Variants in PER2 observed in about 807,000 individuals in gnomAD.
The protein encoded by PER2 is period circadian protein homolog 2.
In PER2, 66 loss-of-function variants were observed where a neutral mutation model predicts 121.0. That is an observed-to-expected ratio of 0.55 (90% confidence interval 0.45 to 0.67). PER2 has a LOEUF of 0.67. Among genes scored for constraint, PER2 ranks in the 30% least tolerant of loss-of-function variants. PER2 has a pLI of 0.00. For missense variants in PER2, 1,521 were observed against 1,635.0 expected, an observed-to-expected ratio of 0.93 and a Z score of 1.20; for synonymous variants, 684 against 659.9, an observed-to-expected ratio of 1.04 and a Z score of -0.56.
At chr2:238,286,203 A>G (rs1248699377) in intron 1 of PER2, among the ~76,000 whole-genome samples, 1 of 152,194 alleles carries the variant, frequency 6.6e-6, no homozygotes, top group African/African-American at 2.4e-5. Context: ...TCCGAATTGC[A>G]GGAAGCTCAG....
intron 20 of PER2, 135 bp downstream of exon 20, chr2:238,251,464 C>T: frequency 1.3e-6 from 1 of 786,476 alleles, no homozygotes; most frequent in Non-Finnish European, 2.2e-6. Context: ...GTGTGGGTGT[C>T]TGCATGGGCT....
In PER2 at chr2:238,268,262, CCCT is replaced by C. The variant is rs1167952213; in HGVS notation, c.825-67_825-65del. The C allele has an allele frequency of 3.3e-6, 5 of 1,532,868 alleles. No homozygotes were observed. The highest frequency in any genetic ancestry group is 4.5e-6 in the Non-Finnish European group (5 of 1,115,360). The allele number at this position is 1,532,868 out of a possible 1,614,324, so 95.0% of individuals were successfully genotyped here. On this transcript the variant is annotated intron_variant, in intron 7 of 22. Transcript: ENST00000254657. The surrounding 1 kb of genome is among the most constrained non-coding windows in gnomAD (Gnocchi z 4.0). Reference sequence around the variant, plus strand: ...CACAGGAACAGTCCCCTGTTCTGTTCCCTCCTCACCTGGGCCCCATGCCATGCT... The same window carrying C: ...CACAGGAACAGTCCCCTGTTCTGTTCCCTCACCTGGGCCCCATGCCATGCT...
intron 22 of PER2, chr2:238,247,599 G>A (rs536141916): frequency 1.3e-5 from 2 of 152,428 alleles, no homozygotes; most frequent in Non-Finnish European, 2.9e-5. Context: ...AGCAGCGGGT[G>A]GAAAACAGAC....
chr2:238,256,956 G>T lies in PER2; in HGVS notation c.2031C>A (p.Val677=). 2 of 1,614,148 alleles carry T rather than the reference G, an allele frequency of 1.2e-6. No individual in the cohort carries two copies. Among genetic ancestry groups the T allele is most frequent in the Non-Finnish European group, 1.7e-6 (2 of 1,180,032 alleles). Residue 677 remains valine, a synonymous_variant, in exon 17 of 23, where the codon GTC becomes GTA. Coordinates refer to ENST00000254657, the MANE Select transcript of PER2 (RefSeq NM_022817.3). ...TSQCSYSSTI[V]HVGDKKPQPE... is the part of the protein sequence containing the mutation. ...GCTGCGGCTTCTTGTCTCCCACATGGACGATGGTGCTGCTGTAGCTGCACT... is the reference window on the plus strand; with the variant it reads ...GCTGCGGCTTCTTGTCTCCCACATGTACGATGGTGCTGCTGTAGCTGCACT...
chr2:238,255,702 G>C lies in PER2; in HGVS notation c.2275C>G (p.His759Asp). The C allele has an allele frequency of 6.2e-7, 1 of 1,614,124 alleles. No homozygotes were observed. Residue 759 changes from histidine (H) to aspartate (D), a missense_variant, in exon 18 of 23, where the codon CAT becomes GAT. Coordinates refer to ENST00000254657, the MANE Select transcript of PER2 (RefSeq NM_022817.3). ...TTGGATCTTTCTTGCAAGTAGTAATGGCAGTGGGACTGGAAAATGCTGAGT... is the reference window on the plus strand; with the variant it reads ...TTGGATCTTTCTTGCAAGTAGTAATCGCAGTGGGACTGGAAAATGCTGAGT... ...RKLSIFQSHCHYYLQERSKGQ... is the reference protein window; with the variant it reads ...RKLSIFQSHCDYYLQERSKGQ...
Position 238,246,262 on chromosome 2 carries a change from A to G in PER2, c.*113T>C. 1 of 705,572 alleles carries G rather than the reference A, an allele frequency of 1.4e-6. No individual in the cohort carries two copies. The highest frequency in any genetic ancestry group is 2.2e-6 in the Non-Finnish European group (1 of 462,282). The allele number at this position is 705,572 out of a possible 1,614,324, so 43.7% of individuals were successfully genotyped here. A position where few individuals can be genotyped will look rare whatever the true frequency, so the allele number is the denominator to read the frequency against. On this transcript the variant is annotated 3_prime_UTR_variant, in exon 23 of 23. Transcript: ENST00000254657. Reference sequence around the variant, plus strand: ...TTGTTTTTTTTTCTAAAACAAAAAAAGCAACATGAGCATATGTGTCCATTT... The same window carrying G: ...TTGTTTTTTTTTCTAAAACAAAAAAGGCAACATGAGCATATGTGTCCATTT...
At position 238,262,262 on chromosome 2, in the gene PER2, G is replaced by T; in HGVS notation, c.1236C>A (p.Thr412=). 1 of 1,613,852 alleles carries T rather than the reference G, an allele frequency of 6.2e-7. No individual in the cohort carries two copies. The highest frequency in any genetic ancestry group is 1.3e-5 in the African/African-American group (1 of 75,000). The change falls in exon 11 of 23, where the codon ACC becomes ACA. Residue 412 remains threonine (T), a synonymous_variant. Coordinates refer to ENST00000254657, the MANE Select transcript of PER2 (RefSeq NM_022817.3). The part of the protein sequence containing the change: ...ARNGEYITLD[T]SWSSFINPWS... ...ATGGGTTGATGAAGCTGGACCAGCT[G>T]GTGTCCAACGTGATGTACTCTCCGT...
rs143020929 is a variant in PER2 at position 238,271,882 on chromosome 2, C to T, written c.571-369G>A. On this transcript the variant is annotated intron_variant, in intron 5 of 22. Coordinates refer to ENST00000254657, the MANE Select transcript of PER2 (RefSeq NM_022817.3). ...GCCCCGAGATGACCCCAATCCGGGC[C>T]GGAAAGATGCCTGCCCCAAGATAAC... Among the ~76,000 whole-genome samples the T allele has an allele frequency of 8.5e-5, 13 of 152,102 alleles. No individual in the cohort carries two copies. The South Asian group carries it at 2.5e-3, about 29-fold the overall frequency.
Position 238,250,550 on chromosome 2 carries a change from C to G in PER2, c.3467+1G>C. ...TGCCTAGGAAAACGCTGGGTGGTTA[C>G]CGGGAAGGCAGCTGGTACGTCATCA... On this transcript the variant is annotated splice_donor_variant, in intron 21 of 22. Transcript: ENST00000254657. LOFTEE classifies it high-confidence loss of function. 1 of 1,609,590 alleles carries G rather than the reference C, an allele frequency of 6.2e-7. No homozygotes were observed. Among genetic ancestry groups the G allele is most frequent in the South Asian group, 1.1e-5 (1 of 90,544 alleles).
chr2:238,284,100 G>C (rs938932837), intron 1 of PER2, among the ~76,000 whole-genome samples: 161 of 152,294 alleles, frequency 1.1e-3, no homozygotes, highest in African/African-American at 3.7e-3. Context: ...CACAACCCAT[G>C]CAAGATATCT....
chr2:238,268,375 G>A lies in PER2; in HGVS notation c.825-177C>T, dbSNP rs76416868. Among the ~76,000 whole-genome samples, 1,748 of 152,266 alleles carry A rather than the reference G, an allele frequency of 0.011. 37 individuals carry two copies. Among genetic ancestry groups the A allele is most frequent in the African/African-American group, 0.039 (1,641 of 41,558 alleles). On this transcript the variant is annotated intron_variant, in intron 7 of 22. Coordinates refer to ENST00000254657, the MANE Select transcript of PER2 (RefSeq NM_022817.3). The surrounding 1 kb of genome is among the most constrained non-coding windows in gnomAD (Gnocchi z 4.0). ...GTCCCTCCCTCAGTCCCATCATACT[G>A]AAGGGCAAATCAGAGTTAACACCCC...
chr2:238,264,157 C>A (rs1210180197), intron 9 of PER2, among the ~76,000 whole-genome samples: 1 of 152,226 alleles, frequency 6.6e-6, no homozygotes, highest in East Asian at 1.9e-4. Flanking sequence ...CTGCCAACCT[C>A]CCTGCACAGG....
intron 22 of PER2, among the ~76,000 whole-genome samples, chr2:238,247,733 G>A (rs1431545619): frequency 6.6e-6 from 1 of 152,246 alleles, no homozygotes; most frequent in African/African-American, 2.4e-5. Flanking sequence ...CAGCCAAGGG[G>A]CCAGTGTAGC....
At chr2:238,295,910 T>C in the PER2 span, 3 of 222,622 alleles carry the variant, frequency 1.3e-5, no homozygotes, top group African/African-American at 7.2e-5. Context: ...CCCGGGGAAC[T>C]CTTTGCAAGC....
rs1487699812 is a variant in PER2 at position 238,253,555 on chromosome 2, A to G, written c.2468T>C (p.Leu823Pro). 1.2e-6 allele frequency: 2 copies of G among 1,611,054 alleles called. No homozygotes were observed. Among genetic ancestry groups the G allele is most frequent in the Non-Finnish European group, 1.7e-6 (2 of 1,178,930 alleles). The change falls in exon 19 of 23, where the codon CTG becomes CCG. Residue 823 changes from leucine to proline, a missense_variant. Coordinates refer to ENST00000254657, the MANE Select transcript of PER2 (RefSeq NM_022817.3). This position sits in a 1 kb window ranked among gnomAD's most constrained non-coding sequence, Gnocchi z 5.6. The part of the protein sequence containing the change: ...SGGPVSARPP[L>P]VGLNATAWSP... ...CCAGGCTGTGGCGTTCAAGCCCACC[A>G]GCGGGGGCCGGGCGGACACGGGCCC...
chr2:238,246,494 CT>C lies in PER2; in HGVS notation c.3648del (p.Gly1217ValfsTer31). The C allele has an allele frequency of 2.5e-6, 4 of 1,586,086 alleles. No individual in the cohort carries two copies. Among genetic ancestry groups the C allele is most frequent in the African/African-American group, 1.3e-5 (1 of 74,498 alleles). ...TCCTCATATGGTATGCAAATATTAC[CT>C]TTTTCCTTGTTTTCACAGTAAACAC... ...AECVYCENKE[K>X]GNICIPYEED... On this transcript the variant is annotated frameshift_variant, in exon 23 of 23. Coordinates refer to ENST00000254657, the MANE Select transcript of PER2 (RefSeq NM_022817.3). LOFTEE classifies it low-confidence loss of function (END_TRUNC).
chr2:238,255,630 C>T (rs764566955), intron 18 of PER2, 27 bp downstream of exon 18: 11 of 1,612,748 alleles, frequency 6.8e-6, no homozygotes, highest in South Asian at 4.4e-5. Context: ...TTTTTTAAAA[C>T]GCACTTTTAA....
chr2:238,277,095 T>C, intron 3 of PER2, 36 bp downstream of exon 3: 2 of 1,472,074 alleles, frequency 1.4e-6, no homozygotes, highest in Non-Finnish European at 1.9e-6. Flanking sequence ...TCAATTTCTC[T>C]AAAACCTCTA....
Position 238,271,484 on chromosome 2 carries a change from C to T in PER2, c.600G>A (p.Val200=). Residue 200 remains valine, a synonymous_variant, in exon 6 of 23, where the codon GTG becomes GTA. Coordinates refer to ENST00000254657, the MANE Select transcript of PER2 (RefSeq NM_022817.3). ...CAGAGATGTACAGGATCTTCCCAGA[C>T]ACCAGGGACACGGCCACCGCAAACA... The part of the protein sequence containing the change: ...ADMFAVAVSL[V]SGKILYISDQ... 2 of 1,613,842 alleles carry T rather than the reference C, an allele frequency of 1.2e-6. No individual in the cohort carries two copies. Among genetic ancestry groups the T allele is most frequent in the Non-Finnish European group, 1.7e-6 (2 of 1,179,790 alleles).
Sources: allele counts gnomAD v4.1 joint callset (sites outside exome capture counted in the v4.1 genomes callset), GRCh38; gene constraint gnomAD v4.1.1; non-coding constraint Gnocchi (gnomAD v3.1); transcripts MANE v1.5; gene names NCBI Gene and HGNC (gene_info 2026-07-23, HGNC 2026-07-21).